The following NRCAM variants were observed in gnomAD, a reference collection of about 807,000 sequenced individuals.
NRCAM encodes the protein neuronal cell adhesion molecule, also known as NgCAM-related cell adhesion molecule.
NRCAM carries 83 observed loss-of-function variants against 156.5 expected under a neutral mutation model. The ratio of observed to expected loss-of-function variants is 0.53; its 90% CI spans 0.44 to 0.64. The LOEUF (loss-of-function observed/expected upper bound fraction) is 0.64, where lower values mean the gene tolerates loss of function less well. Ranked by LOEUF, NRCAM falls within the 30% of genes least tolerant of loss-of-function variation. The pLI is 0.00. For missense variants in NRCAM, 1,417 were observed against 1,597.3 expected, an observed-to-expected ratio of 0.89 and a Z score of 1.92; for synonymous variants, 538 against 563.9, an observed-to-expected ratio of 0.95 and a Z score of 0.65.
intron 3 of NRCAM, among the ~76,000 whole-genome samples, chr7:108,310,474 C>A (rs2154179196): frequency 6.6e-6 from 1 of 152,250 alleles, no homozygotes; most frequent in East Asian, 1.9e-4. Flanking sequence ...AGGGCACTTC[C>A]CAAACAGAAG....
At chr7:108,246,417 G>C (rs2095923732) in intron 3 of NRCAM, among the ~76,000 whole-genome samples, 1 of 152,174 alleles carries the variant, frequency 6.6e-6, no homozygotes, top group Non-Finnish European at 1.5e-5. Flanking sequence ...TTGTCATAGA[G>C]AGGGTGAATG....
intron 2 of NRCAM, among the ~76,000 whole-genome samples, chr7:108,345,433 A>C (rs1442121468): frequency 6.6e-6 from 1 of 152,236 alleles, no homozygotes. Flanking sequence ...AATAGTGTTT[A>C]TAAGAGCAAC....
chr7:108,403,880 C>T (rs1335575740), intron 1 of NRCAM, among the ~76,000 whole-genome samples: 1 of 152,216 alleles, frequency 6.6e-6, no homozygotes, highest in African/African-American at 2.4e-5. Context: ...TGAAATTGTT[C>T]TCTGAAGAAG....
intron 3 of NRCAM, among the ~76,000 whole-genome samples, chr7:108,281,691 T>A (rs746813114): frequency 6.6e-6 from 1 of 152,110 alleles, no homozygotes; most frequent in African/African-American, 2.4e-5. Flanking sequence ...ATGGAGGGTC[T>A]CCAGGGAACT....
At chr7:108,450,329 A>G (rs1848929772) in intron 1 of NRCAM, among the ~76,000 whole-genome samples, 1 of 151,282 alleles carries the variant, frequency 6.6e-6, no homozygotes, top group African/African-American at 2.4e-5. Context: ...GTTAAAAATT[A>G]CCTTTTTCTA....
chr7:108,405,882 G>C (rs749505779), intron 1 of NRCAM, among the ~76,000 whole-genome samples: 4 of 152,066 alleles, frequency 2.6e-5, no homozygotes, highest in Non-Finnish European at 2.9e-5. Flanking sequence ...ACTCTGGAAG[G>C]CCAAGGTGGG....
At chr7:108,400,201 CTTAA>C (rs2099788301) in intron 1 of NRCAM, among the ~76,000 whole-genome samples, 1 of 152,124 alleles carries the variant, frequency 6.6e-6, no homozygotes, top group Non-Finnish European at 1.5e-5. Flanking sequence ...AGAATAAAAC[CTTAA>C]TTAAACAGAA....
rs747029859 is a variant in NRCAM at position 108,193,991 on chromosome 7, T to C, written c.1778+33A>G. On this transcript the variant is annotated intron_variant, in intron 17 of 32. Transcript: ENST00000379028. ...GTTCAAGAATAGCTTAAAGAAAGAA[T>C]GAAGAGAAAGTAAAGAAATCGTCTT... The C allele has an allele frequency of 1.7e-5, 27 of 1,604,120 alleles. No individual in the cohort carries two copies. The African/African-American group carries it at 2.3e-4, about 14-fold the overall frequency.
chr7:108,343,816 G>A (rs973755113), intron 2 of NRCAM, among the ~76,000 whole-genome samples: 41 of 152,242 alleles, frequency 2.7e-4, no homozygotes, highest in Middle Eastern at 3.4e-3. Context: ...TGTAAAGTGT[G>A]CCAATGAAAT....
In NRCAM at chr7:108,189,689, T is replaced by A. The variant is rs2069839223; in HGVS notation, c.1991A>T (p.Gln664Leu). The change falls in exon 20 of 33, where the codon CAG becomes CTG. Residue 664 changes from glutamine (Q) to leucine (L), a missense_variant. By Grantham distance (113) the Gln-to-Leu change is moderately radical (BLOSUM62 -2). Around this residue, in one of 2 missense-constraint regions of NRCAM, gnomAD observed 1,238 missense variants for 1,336.4 expected, o/e 0.93. Transcript: ENST00000379028. ...GTCATCGCCTGGGGTCCATGACAGCTGAACACTTTTGTCAAGTTGATCTGT... is the reference window on the plus strand; with the variant it reads ...GTCATCGCCTGGGGTCCATGACAGCAGAACACTTTTGTCAAGTTGATCTGT... Reference protein sequence around the residue: ...ELTDQLDKSVQLSWTPGDDNN... With the variant: ...ELTDQLDKSVLLSWTPGDDNN... 6.4e-7 allele frequency: 1 copy of A among 1,562,296 alleles called. No homozygotes were observed.
chr7:108,275,907 G>A (rs966419736), intron 3 of NRCAM, among the ~76,000 whole-genome samples: 2 of 152,108 alleles, frequency 1.3e-5, no homozygotes, highest in South Asian at 2.1e-4. Context: ...TGCTTTAAAT[G>A]TGTCCCAGAG....
intron 2 of NRCAM, among the ~76,000 whole-genome samples, chr7:108,391,035 A>G (rs2099758046): frequency 6.6e-6 from 1 of 152,214 alleles, no homozygotes; most frequent in Non-Finnish European, 1.5e-5. Flanking sequence ...GGTGCTGAGA[A>G]GAATGTATAT....
chr7:108,309,497 A>G (rs2098769432), intron 3 of NRCAM, among the ~76,000 whole-genome samples: 1 of 152,168 alleles, frequency 6.6e-6, no homozygotes, highest in Non-Finnish European at 1.5e-5. Context: ...GACTGGTATC[A>G]ACTAAACTCA....
rs574152081 is a variant in NRCAM at position 108,152,908 on chromosome 7, G to A, written c.3678-2761C>T. ...CATATTTTGAAGGTAGAGCCAACAG[G>A]ATTTTCTGATAGGTTAGACATGGAA... On this transcript the variant is annotated intron_variant, in intron 32 of 32. Coordinates refer to ENST00000379028, the MANE Select transcript of NRCAM (RefSeq NM_001037132.4). Among the ~76,000 whole-genome samples the A allele has an allele frequency of 1.1e-4, 16 of 152,226 alleles. No individual in the cohort carries two copies. The South Asian group carries it at 3.3e-3, about 32-fold the overall frequency.
chr7:108,388,577 G>A, intron 2 of NRCAM, among the ~76,000 whole-genome samples: 1 of 152,142 alleles, frequency 6.6e-6, no homozygotes, highest in East Asian at 1.9e-4. Flanking sequence ...GATCCCATTT[G>A]TCAATTTTGG....
At chr7:108,252,699 GTTC>G (rs1471958040) in intron 3 of NRCAM, among the ~76,000 whole-genome samples, 1 of 152,146 alleles carries the variant, frequency 6.6e-6, no homozygotes, top group Non-Finnish European at 1.5e-5. Flanking sequence ...AAGACACCTA[GTTC>G]TTCTGTACAG....
intron 20 of NRCAM, among the ~76,000 whole-genome samples, 165 bp downstream of exon 20, chr7:108,189,480 T>A (rs1402737878): frequency 6.6e-6 from 1 of 152,232 alleles, no homozygotes; most frequent in Non-Finnish European, 1.5e-5. Context: ...AGGAATAGTT[T>A]CAGCTCTGAA....
At chr7:108,382,750 G>A (rs997154178) in intron 2 of NRCAM, among the ~76,000 whole-genome samples, 1 of 152,152 alleles carries the variant, frequency 6.6e-6, no homozygotes, top group South Asian at 2.1e-4. Flanking sequence ...AGCAGCCCAA[G>A]TTTAGTATCA....
At chr7:108,349,854 T>C (rs1442269601) in intron 2 of NRCAM, among the ~76,000 whole-genome samples, 1 of 152,216 alleles carries the variant, frequency 6.6e-6, no homozygotes, top group East Asian at 1.9e-4. Context: ...AAACAGATTA[T>C]ACATACTGTT....
Sources: gnomAD v4.1 joint callset for allele counts (sites outside exome capture counted in the v4.1 genomes callset) on GRCh38, gnomAD v4.1.1 for gene constraint, gnomAD v4.1.1 regional missense constraint, MANE v1.5 for transcripts, NCBI Gene and HGNC (gene_info 2026-07-23, HGNC 2026-07-21) for gene names.